CFLAR: variants seen among roughly 807,000 people sequenced by gnomAD.
CFLAR encodes the protein CASP8 and FADD like apoptosis regulator, also known as CASP8 and FADD-like apoptosis regulator.
In CFLAR, 14 loss-of-function variants were observed where a neutral mutation model predicts 51.1. That is an observed-to-expected ratio of 0.27 (90% CI 0.18 to 0.43). The LOEUF is 0.43. CFLAR is among the 20% of genes least tolerant of loss of function. The probability of loss-of-function intolerance (pLI) is 1.00; values close to 1 mark genes in which losing one functional copy is unlikely to be tolerated. For synonymous variants in CFLAR, 210 were observed against 211.6 expected (o/e 0.99, Z 0.06); for missense variants, 390 against 566.5 (o/e 0.69, Z 3.16).
At chr2:201,162,838 C>G (rs777732786) in intron 9 of CFLAR, among the ~76,000 whole-genome samples, 1 of 152,354 alleles carries the variant, frequency 6.6e-6, no homozygotes, top group East Asian at 1.9e-4. Context: ...CACATTTCTA[C>G]AGCATCAGTT....
Position 201,173,756 on chromosome 2 carries a change from C to T in CFLAR, c.*9783C>T, listed in dbSNP as rs997605442. ...GTGCAATCTCGGCTCACTGCAACCT[C>T]CACCTCCTGAGTTCAAGCGACTCTC... is the stretch of plus-strand genomic sequence containing the variant. On this transcript the variant is annotated 3_prime_UTR_variant, in exon 10 of 10. Coordinates refer to ENST00000309955, the MANE Select transcript of CFLAR (RefSeq NM_003879.7). 6.6e-6 allele frequency: 1 copy of T among 152,274 alleles called. No individual in the cohort carries two copies. The highest frequency in any genetic ancestry group is 2.4e-5 in the African/African-American group (1 of 41,504). 9.4% of individuals were successfully genotyped at this position (152,274 alleles called of 1,614,324 possible). A position where few individuals can be genotyped will look rare whatever the true frequency, so the allele number is the denominator to read the frequency against.
At position 201,149,737 on chromosome 2, in the gene CFLAR, C is replaced by T. The variant is rs1037682759; in HGVS notation, c.712-17C>T. Reference sequence around the variant, plus strand: ...GCAATATCCAGAGTCTTTAGCATTTCTTGTCTTCCTTTCCAGAGCATACCT... The same window carrying T: ...GCAATATCCAGAGTCTTTAGCATTTTTTGTCTTCCTTTCCAGAGCATACCT... On this transcript the variant is annotated splice_polypyrimidine_tract_variant and intron_variant, in intron 7 of 9. Transcript: ENST00000309955. 1.9e-6 allele frequency: 3 copies of T among 1,595,464 alleles called. No homozygotes were observed. The highest frequency in any genetic ancestry group is 1.3e-5 in the African/African-American group (1 of 74,602).
At chr2:201,135,668 T>G (rs2050005651) in intron 3 of CFLAR, among the ~76,000 whole-genome samples, 1 of 150,960 alleles carries the variant, frequency 6.6e-6, no homozygotes, top group Admixed American at 6.6e-5. Flanking sequence ...CTCGCTCTGC[T>G]GCCCAGGCTG....
At position 201,163,840 on chromosome 2, in the gene CFLAR, G is replaced by A. The variant is rs371340033; in HGVS notation, c.1310G>A (p.Arg437His). 4.4e-6 allele frequency: 7 copies of A among 1,602,770 alleles called. No homozygotes were observed. The South Asian group carries it at 6.7e-5, about 15-fold the overall frequency. The change falls in exon 10 of 10, where the codon CGC (arginine) becomes CAC (histidine). Residue 437 changes from arginine (R) to histidine (H), a missense_variant. Around this residue, in one of 2 missense-constraint regions of CFLAR, gnomAD observed 287 missense variants for 363.6 expected, o/e 0.79. Coordinates refer to ENST00000309955, the MANE Select transcript of CFLAR (RefSeq NM_003879.7). ...GCCTTTCTTGTTTTCTCCAGAAAAC[G>A]CCCACTCCTGGATCTTCACATTGAA... The part of the protein sequence containing the change: ...LSQKLRQERK[R>H]PLLDLHIELN...
intron 5 of CFLAR, 90 bp from the exon 6 acceptor site, chr2:201,145,288 A>C: frequency 1.4e-6 from 1 of 702,378 alleles, no homozygotes. Context: ...CTGAGTTAAG[A>C]ATCCTATTGA....
Position 201,163,819 on chromosome 2 carries a change from T to C in CFLAR, c.1305-16T>C, listed in dbSNP as rs1394654444. On this transcript the variant is annotated splice_polypyrimidine_tract_variant and intron_variant, in intron 9 of 9. Transcript: ENST00000309955. The stretch of plus-strand genomic sequence containing the variant: ...ATTTGCATGGCATTAAATTTTGCCT[T>C]TCTTGTTTTCTCCAGAAAACGCCCA... 1 of 1,599,370 alleles carries C rather than the reference T, an allele frequency of 6.3e-7. No homozygotes were observed. The highest frequency in any genetic ancestry group is 8.5e-7 in the Non-Finnish European group (1 of 1,173,960).
At chr2:201,161,340 C>A (rs1942968231) in intron 9 of CFLAR, among the ~76,000 whole-genome samples, 1 of 152,038 alleles carries the variant, frequency 6.6e-6, no homozygotes, top group Non-Finnish European at 1.5e-5. Flanking sequence ...TACTGCACTG[C>A]AGCCTGAGCA....
intron 2 of CFLAR, among the ~76,000 whole-genome samples, chr2:201,132,426 G>GAAA (rs561568592): frequency 2.6e-3 from 365 of 137,960 alleles, no homozygotes; most frequent in African/African-American, 7.1e-3. Context: ...CCTAGGGGGG[G>GAAA]AAAAATATAT....
chr2:201,154,032 G>A, intron 8 of CFLAR: 1 of 225,784 alleles, frequency 4.4e-6, no homozygotes, highest in Non-Finnish European at 9.0e-6. Context: ...AGCCTCCTGA[G>A]TAGCTGGGAT....
chr2:201,148,725 G>A (rs1235170338), intron 6 of CFLAR: 2 of 350,866 alleles, frequency 5.7e-6, no homozygotes, highest in African/African-American at 2.1e-5. Context: ...CCAGCCACCT[G>A]TTCCTCACCT....
chr2:201,165,241 C>CTTATTA lies in CFLAR; in HGVS notation c.*1310_*1315dup, dbSNP rs66478558. On this transcript the variant is annotated 3_prime_UTR_variant, in exon 10 of 10. Transcript: ENST00000309955. ...ATTGTTTGAAATATCATTAGAGTTGCTTATTATTATTATTATTATTATTAT... is the reference window on the plus strand; with the variant it reads ...ATTGTTTGAAATATCATTAGAGTTGCTTATTATTATTATTATTATTATTATTATTAT... 8.7e-4 allele frequency: 123 copies of CTTATTA among 140,860 alleles called. No homozygotes were observed. The highest frequency in any genetic ancestry group is 7.2e-3 in the Middle Eastern group (2 of 278). The allele number at this position is 140,860 out of a possible 1,614,324, so 8.7% of individuals were successfully genotyped here.
At position 201,175,806 on chromosome 2, in the gene CFLAR, A is replaced by C. The variant is rs1944160810; in HGVS notation, c.*11833A>C. 2 of 151,888 alleles carry C rather than the reference A, an allele frequency of 1.3e-5. No homozygotes were observed. The highest frequency in any genetic ancestry group is 4.2e-4 in the South Asian group (2 of 4,794). 9.4% of individuals were successfully genotyped at this position (151,888 alleles called of 1,614,324 possible). A position where few individuals can be genotyped will look rare whatever the true frequency, so the allele number is the denominator to read the frequency against. The stretch of plus-strand genomic sequence containing the variant: ...AGGCAAGTTTCAGAGCAACAGTGAA[A>C]GTTTATTACGCTTTAGGCTGGGCAC... On this transcript the variant is annotated 3_prime_UTR_variant, in exon 10 of 10. Transcript: ENST00000309955.
rs35731279 is a variant in CFLAR at position 201,164,278 on chromosome 2, T to TAAA, written c.*318_*320dup. ...GCAATATAGCAAGATCCCATCTCTT[T>TAAA]AAAAAAAAAAAAAAAGGACAGGAAC... On this transcript the variant is annotated 3_prime_UTR_variant, in exon 10 of 10. Transcript: ENST00000309955. The TAAA allele has an allele frequency of 2.0e-4, 31 of 153,622 alleles. No individual in the cohort carries two copies. Among genetic ancestry groups the TAAA allele is most frequent in the African/African-American group, 3.1e-4 (12 of 38,312 alleles). 9.5% of individuals were successfully genotyped at this position (153,622 alleles called of 1,614,324 possible).
Position 201,165,240 on chromosome 2 carries a change from G to GCTT in CFLAR, c.*1268_*1270dup, listed in dbSNP as rs200399548. On this transcript the variant is annotated 3_prime_UTR_variant, in exon 10 of 10. Coordinates refer to ENST00000309955, the MANE Select transcript of CFLAR (RefSeq NM_003879.7). Reference sequence around the variant, plus strand: ...CATTGTTTGAAATATCATTAGAGTTGCTTATTATTATTATTATTATTATTA... The same window carrying GCTT: ...CATTGTTTGAAATATCATTAGAGTTGCTTCTTATTATTATTATTATTATTATTA... The GCTT allele has an allele frequency of 5.3e-3, 605 of 115,008 alleles. 6 individuals are homozygous for GCTT. Among genetic ancestry groups the GCTT allele is most frequent in the African/African-American group, 0.019 (568 of 30,694 alleles). The allele number at this position is 115,008 out of a possible 1,614,324, so 7.1% of individuals were successfully genotyped here.
At chr2:201,145,906 A>C (rs1484624459) in intron 6 of CFLAR, among the ~76,000 whole-genome samples, 1 of 152,192 alleles carries the variant, frequency 6.6e-6, no homozygotes, top group African/African-American at 2.4e-5. Flanking sequence ...TTCAACCCGC[A>C]TGAGCTGTTT....
Position 201,171,678 on chromosome 2 carries a change from A to C in CFLAR, c.*7705A>C, listed in dbSNP as rs968527779. 4.8e-5 allele frequency: 5 copies of C among 103,116 alleles called. No individual in the cohort carries two copies. Among genetic ancestry groups the C allele is most frequent in the African/African-American group, 2.3e-4 (5 of 22,050 alleles). 6.4% of individuals were successfully genotyped at this position (103,116 alleles called of 1,614,324 possible). ...AATATTTTAAAAATCTTTAGAGAAT[A>C]CAAAAAAAAAAAAAAAGATTCTTCA... On this transcript the variant is annotated 3_prime_UTR_variant, in exon 10 of 10. Coordinates refer to ENST00000309955, the MANE Select transcript of CFLAR (RefSeq NM_003879.7).
At chr2:201,121,209 T>C (rs967912349) in intron 1 of CFLAR, among the ~76,000 whole-genome samples, 1 of 152,240 alleles carries the variant, frequency 6.6e-6, no homozygotes, top group African/African-American at 2.4e-5. Context: ...TATTTTAATC[T>C]GGTAAGTAAT....
At chr2:201,149,701 AT>A in intron 7 of CFLAR, 52 bp from the exon 8 acceptor site, 1 of 1,410,728 alleles carries the variant, frequency 7.1e-7, no homozygotes, top group African/African-American at 1.4e-5. Flanking sequence ...GTGGGACCTT[AT>A]AGAAACAGAG....
intron 3 of CFLAR, among the ~76,000 whole-genome samples, chr2:201,133,918 G>A (rs2049687144): frequency 1.0e-5 from 1 of 100,292 alleles, no homozygotes; most frequent in Non-Finnish European, 1.8e-5. Flanking sequence ...GTGACAGCAA[G>A]ACTCCATCTC....
Sources: gnomAD v4.1 joint callset for allele counts (sites outside exome capture counted in the v4.1 genomes callset) on GRCh38, gnomAD v4.1.1 for gene constraint, gnomAD v4.1.1 regional missense constraint, MANE v1.5 for transcripts, NCBI Gene and HGNC (gene_info 2026-07-23, HGNC 2026-07-21) for gene names.